Variants in CSNK1G1 observed in about 807,000 individuals in gnomAD.
CSNK1G1 encodes casein kinase 1 gamma 1.
Under a neutral mutation model 59.6 loss-of-function variants are expected in CSNK1G1, and 22 were observed. The observed-to-expected ratio is 0.37, with a 90% CI of 0.26 to 0.53. The LOEUF is 0.53. CSNK1G1 is among the 20% of genes least tolerant of loss of function. The probability of loss-of-function intolerance (pLI) is 0.89; values close to 1 mark genes in which losing one functional copy is unlikely to be tolerated. For synonymous variants in CSNK1G1, 179 were observed against 177.1 expected (o/e 1.01, Z -0.08); for missense variants, 384 against 519.5 (o/e 0.74, Z 2.54).
chr15:64,290,231 T>G (rs574527774), intron 2 of CSNK1G1, among the ~76,000 whole-genome samples: 5 of 151,914 alleles, frequency 3.3e-5, no homozygotes, highest in Non-Finnish European at 7.4e-5. Flanking sequence ...AAGAAATCAT[T>G]ACATCAAAAA....
At chr15:64,285,623 C>T (rs1193097930) in intron 2 of CSNK1G1, among the ~76,000 whole-genome samples, 1 of 152,098 alleles carries the variant, frequency 6.6e-6, no homozygotes, top group African/African-American at 2.4e-5. Context: ...AAACATTAAT[C>T]CAAACTACCT....
At chr15:64,206,647 T>C (rs1262968869) in intron 7 of CSNK1G1, among the ~76,000 whole-genome samples, 2 of 136,298 alleles carry the variant, frequency 1.5e-5, no homozygotes, top group East Asian at 2.1e-4. Flanking sequence ...GGACTTACAA[T>C]GGGTTAGAAG....
intron 1 of CSNK1G1, among the ~76,000 whole-genome samples, chr15:64,309,973 C>A (rs1357569566): frequency 6.6e-6 from 1 of 150,712 alleles, no homozygotes; most frequent in Non-Finnish European, 1.5e-5. Flanking sequence ...TTTAAATTAG[C>A]AGGGTGGCAC....
intron 10 of CSNK1G1, among the ~76,000 whole-genome samples, chr15:64,184,329 T>A (rs1436104333): frequency 1.3e-5 from 2 of 151,536 alleles, no homozygotes; most frequent in Non-Finnish European, 2.9e-5. Context: ...AATAAATAAA[T>A]TTTTAGTATA....
At chr15:64,223,235 G>GA (rs149009136) in intron 4 of CSNK1G1, among the ~76,000 whole-genome samples, 8,925 of 149,134 alleles carry the variant, frequency 0.06, 796 homozygotes, top group African/African-American at 0.2. Flanking sequence ...GCATTTAAAT[G>GA]AAAAAAAAAA....
In CSNK1G1 at chr15:64,207,600, A is replaced by T. The variant is rs1485952635; in HGVS notation, c.680-6T>A. The T allele has an allele frequency of 1.2e-6, 2 of 1,605,746 alleles. No individual in the cohort carries two copies. ...ATCATCTCTCCGGCTTTGCTCTAAA[A>T]GGGAAGACAGATCACACATTATGTT... On this transcript the variant is annotated splice_region_variant and splice_polypyrimidine_tract_variant and intron_variant, in intron 6 of 11. Coordinates refer to ENST00000303052, the MANE Select transcript of CSNK1G1 (RefSeq NM_022048.5).
chr15:64,348,876 A>C lies in CSNK1G1; in HGVS notation c.-225+7112T>G, dbSNP rs948849893. 3.7e-4 allele frequency among the ~76,000 whole-genome samples: 57 copies of C among 152,304 alleles called. 1 individual carries two copies. Among genetic ancestry groups the C allele is most frequent in the African/African-American group, 1.2e-3 (50 of 41,564 alleles). On this transcript the variant is annotated intron_variant, in intron 1 of 11. Transcript: ENST00000303052. ...GCAAGGCGCGGTGGCTCACACCTGTAATCCCAGCACTTTGGGAGGCTGAGG... is the reference window on the plus strand; with the variant it reads ...GCAAGGCGCGGTGGCTCACACCTGTCATCCCAGCACTTTGGGAGGCTGAGG...
intron 11 of CSNK1G1, among the ~76,000 whole-genome samples, chr15:64,173,658 T>C (rs562035207): frequency 6.8e-6 from 1 of 146,182 alleles, no homozygotes; most frequent in East Asian, 2.0e-4. Flanking sequence ...AGTCTCACTC[T>C]GTCGCTCAGG....
rs575053344 is a variant in CSNK1G1, at chr15:64,206,932, C to T, written c.765+577G>A. Among the ~76,000 whole-genome samples, 3 of 152,234 alleles carry T rather than the reference C, an allele frequency of 2.0e-5. 1 individual carries two copies. In the South Asian group the frequency reaches 6.2e-4, roughly 32 times the overall value. ...ATTTTCCAAGTTTTCCTGAGGAGTA[C>T]ACCCTGCTGGCCTTTCTGGTAAAAT... On this transcript the variant is annotated intron_variant, in intron 7 of 11. Transcript: ENST00000303052.
intron 4 of CSNK1G1, among the ~76,000 whole-genome samples, chr15:64,238,267 T>TA (rs916554714): frequency 6.0e-5 from 9 of 150,920 alleles, no homozygotes; most frequent in Admixed American, 1.3e-4. Flanking sequence ...TATACGCACA[T>TA]AAAAAAAATC....
chr15:64,350,464 G>A (rs1164123028), intron 1 of CSNK1G1, among the ~76,000 whole-genome samples: 1 of 151,694 alleles, frequency 6.6e-6, no homozygotes, highest in Non-Finnish European at 1.5e-5. Flanking sequence ...TCACGCCACT[G>A]CACTCCAGCC....
At chr15:64,308,313 G>A (rs1226580645) in intron 1 of CSNK1G1, among the ~76,000 whole-genome samples, 1 of 151,832 alleles carries the variant, frequency 6.6e-6, no homozygotes, top group Non-Finnish European at 1.5e-5. Context: ...TGCCCAGGTT[G>A]GTCTCAAACT....
intron 2 of CSNK1G1, among the ~76,000 whole-genome samples, chr15:64,291,589 A>AAAAAT (rs1894746265): frequency 6.6e-6 from 1 of 152,226 alleles, no homozygotes; most frequent in Non-Finnish European, 1.5e-5. Context: ...ACTCCATCTC[A>AAAAAT]AAAATAAAAT....
At chr15:64,324,291 G>C (rs1325104766) in intron 1 of CSNK1G1, among the ~76,000 whole-genome samples, 1 of 152,152 alleles carries the variant, frequency 6.6e-6, no homozygotes, top group Non-Finnish European at 1.5e-5. Flanking sequence ...TTTCTGTGAG[G>C]GTATTGCCAA....
chr15:64,207,818 C>G (rs1421608250), intron 6 of CSNK1G1, among the ~76,000 whole-genome samples: 1 of 152,154 alleles, frequency 6.6e-6, no homozygotes, highest in African/African-American at 2.4e-5. Flanking sequence ...GAGAAAAGAG[C>G]AAATTCTGAA....
intron 6 of CSNK1G1, among the ~76,000 whole-genome samples, chr15:64,211,880 T>C (rs1256647230): frequency 6.6e-6 from 1 of 152,200 alleles, no homozygotes; most frequent in Non-Finnish European, 1.5e-5. Flanking sequence ...ACAATAAAAT[T>C]AGTACACAAA....
At chr15:64,208,908 G>A (rs2082216851) in intron 6 of CSNK1G1, among the ~76,000 whole-genome samples, 1 of 144,944 alleles carries the variant, frequency 6.9e-6, no homozygotes, top group Admixed American at 7.0e-5. Flanking sequence ...TTTTTTTTGA[G>A]ACAAGGTCTC....
Position 64,200,037 on chromosome 15 carries a change from G to A in CSNK1G1, c.1107+3045C>T, listed in dbSNP as rs1225632871. Among the ~76,000 whole-genome samples, 1 of 152,010 alleles carries A rather than the reference G, an allele frequency of 6.6e-6. No homozygotes were observed. Among genetic ancestry groups the A allele is most frequent in the African/African-American group, 2.4e-5 (1 of 41,416 alleles). Reference sequence around the variant, plus strand: ...AGGCAGGTGGATCACCTGAGGTTAGGAGTTCCAGACTAGCCTGGCCAACAT... The same window carrying A: ...AGGCAGGTGGATCACCTGAGGTTAGAAGTTCCAGACTAGCCTGGCCAACAT... On this transcript the variant is annotated intron_variant, in intron 10 of 11. Transcript: ENST00000303052. This position sits in a 1 kb window ranked among gnomAD's most constrained non-coding sequence, Gnocchi z 4.3.
intron 10 of CSNK1G1, among the ~76,000 whole-genome samples, chr15:64,201,388 C>A (rs1596084149): frequency 6.6e-6 from 1 of 151,360 alleles, no homozygotes; most frequent in African/African-American, 2.5e-5. Context: ...CCCTCACCTG[C>A]ACTAGCTATT....
Sources: gnomAD v4.1 joint callset for allele counts (sites outside exome capture counted in the v4.1 genomes callset) on GRCh38, gnomAD v4.1.1 for gene constraint, Gnocchi (gnomAD v3.1) non-coding constraint, MANE v1.5 for transcripts, NCBI Gene and HGNC (gene_info 2026-07-23, HGNC 2026-07-21) for gene names.